Variants in APPL2 observed in about 807,000 individuals in gnomAD.
APPL2 encodes the protein adaptor protein, phosphotyrosine interacting with PH domain and leucine zipper 2.
In APPL2, 84 loss-of-function variants were observed where a neutral mutation model predicts 92.7. The ratio of observed to expected loss-of-function variants is 0.91; its 90% CI spans 0.76 to 1.09. APPL2 has a LOEUF of 1.09. Among genes scored for constraint, APPL2 ranks in the 50% least tolerant of loss-of-function variants. APPL2 has a pLI of 0.00. For synonymous variants in APPL2, 291 were observed against 291.0 expected (o/e 1.00, Z 0.00); for missense variants, 736 against 824.5 (o/e 0.89, Z 1.31).
chr12:105,174,944 T>C (rs1592745937), intron 20 of APPL2, among the ~76,000 whole-genome samples: 1 of 148,294 alleles, frequency 6.7e-6, no homozygotes, highest in East Asian at 2.1e-4. Context: ...AGAGCAGTGG[T>C]ATGATCTCAG....
At chr12:105,221,118 G>A (rs1890065906) in intron 2 of APPL2, among the ~76,000 whole-genome samples, 1 of 152,174 alleles carries the variant, frequency 6.6e-6, no homozygotes. Context: ...GTACACAAAG[G>A]TTGTAAGAAA....
In APPL2 at chr12:105,203,675, A is replaced by G. The variant is rs555751066; in HGVS notation, c.704+28T>C. ...GATCAGCATGAAAGGCAAGGGGCAC[A>G]CAAGACCCGGCCGGAGTGCAGCATT... On this transcript the variant is annotated intron_variant, in intron 9 of 20. Coordinates refer to ENST00000258530, the MANE Select transcript of APPL2 (RefSeq NM_018171.5). 4 of 1,610,158 alleles carry G rather than the reference A, an allele frequency of 2.5e-6. No individual in the cohort carries two copies. In the South Asian group the frequency reaches 3.3e-5, roughly 13 times the overall value.
Position 105,211,276 on chromosome 12 carries a change from G to A in APPL2, c.327C>T (p.Asp109=). ...ATTGTATGATAGGTAGAACCATTGT[G>A]TCTGCCAACTGTTTAGCCAGCTCTG... ...LHTELAKQLA[D]TMVLPIIQFR... is the part of the protein sequence containing the mutation. Residue 109 remains aspartate, a synonymous_variant, in exon 5 of 21, where the codon GAC becomes GAT. Coordinates refer to ENST00000258530, the MANE Select transcript of APPL2 (RefSeq NM_018171.5). 3.1e-6 allele frequency: 5 copies of A among 1,613,990 alleles called. No individual in the cohort carries two copies. Among genetic ancestry groups the A allele is most frequent in the Non-Finnish European group, 4.2e-6 (5 of 1,179,864 alleles).
intron 1 of APPL2, among the ~76,000 whole-genome samples, 166 bp downstream of exon 1, chr12:105,235,793 G>A (rs903834836): frequency 3.9e-5 from 6 of 152,016 alleles, no homozygotes; most frequent in Non-Finnish European, 7.4e-5. Context: ...CTCAGGGCCC[G>A]GCCCGCCCCC....
intron 2 of APPL2, among the ~76,000 whole-genome samples, chr12:105,218,711 C>T (rs1311037254): frequency 3.3e-5 from 5 of 152,196 alleles, no homozygotes; most frequent in South Asian, 2.1e-4. Context: ...ACTGGAAGCA[C>T]AGTGGGGACT....
At chr12:105,200,856 GTATGTATGTATCTATCTATCTATCTATC>G (rs1888117126) in intron 9 of APPL2, among the ~76,000 whole-genome samples, 1 of 111,698 alleles carries the variant, frequency 9.0e-6, no homozygotes, top group Non-Finnish European at 1.9e-5. Context: ...ATGTATGTAT[GTATGTATGTATCTATCTATCTATCTATC>G]TATCTATCTA....
At chr12:105,197,990 A>G in intron 10 of APPL2, 37 bp from the exon 11 acceptor site, 1 of 1,596,250 alleles carries the variant, frequency 6.3e-7, no homozygotes, top group East Asian at 2.2e-5. Context: ...TTAGTACCAG[A>G]AAGCACCAGC....
intron 9 of APPL2, among the ~76,000 whole-genome samples, chr12:105,200,994 C>T (rs1291782862): frequency 2.0e-5 from 3 of 152,116 alleles, no homozygotes; most frequent in East Asian, 1.9e-4. Flanking sequence ...CTACAACCTC[C>T]GCCTCCTGGG....
intron 17 of APPL2, among the ~76,000 whole-genome samples, chr12:105,185,314 TCTC>T (rs1263504360): frequency 6.6e-6 from 1 of 152,048 alleles, no homozygotes; most frequent in Non-Finnish European, 1.5e-5. Context: ...CGAAAAAAAT[TCTC>T]CTGCAGCTAG....
At chr12:105,176,360 C>T in intron 19 of APPL2, 1 of 537,992 alleles carries the variant, frequency 1.9e-6, no homozygotes, top group Non-Finnish European at 3.2e-6. Context: ...TTTCTTCTCT[C>T]TCTTAAATGT....
Position 105,213,973 on chromosome 12 carries a change from G to A in APPL2, c.286-2656C>T, listed in dbSNP as rs79496929. Among the ~76,000 whole-genome samples the A allele has an allele frequency of 2.2e-3, 333 of 152,172 alleles. 8 individuals are homozygous for A. The East Asian group carries it at 0.049, about 22-fold the overall frequency. On this transcript the variant is annotated intron_variant, in intron 4 of 20. Transcript: ENST00000258530. ...AGGCTGAGGCGGGCAGATCACTGAC[G>A]TCAGGAGTTCAAGACCAGCCTGACC... is the stretch of plus-strand genomic sequence containing the variant.
intron 14 of APPL2, among the ~76,000 whole-genome samples, chr12:105,191,904 C>T (rs1007090455): frequency 6.6e-6 from 1 of 152,168 alleles, no homozygotes. Context: ...GCTCTGCTTT[C>T]CCCTCCCTCT....
At chr12:105,235,737 C>T (rs1891185886) in intron 1 of APPL2, among the ~76,000 whole-genome samples, 2 of 152,142 alleles carry the variant, frequency 1.3e-5, no homozygotes, top group East Asian at 3.9e-4. Flanking sequence ...AAGACTCCGG[C>T]CGCGGGGCTC....
chr12:105,199,262 G>T, intron 10 of APPL2, 111 bp downstream of exon 10: 2 of 1,323,750 alleles, frequency 1.5e-6, no homozygotes, highest in Non-Finnish European at 2.1e-6. Context: ...GTTCTTCCCA[G>T]TCTCACCCAC....
At chr12:105,200,793 A>G (rs1176711711) in intron 9 of APPL2, among the ~76,000 whole-genome samples, 2 of 152,082 alleles carry the variant, frequency 1.3e-5, no homozygotes, top group African/African-American at 4.8e-5. Flanking sequence ...GAGGTAAGGA[A>G]CGTTGGGCTT....
Position 105,195,575 on chromosome 12 carries a change from A to G in APPL2, c.1095+10T>C. 2 of 1,614,260 alleles carry G rather than the reference A, an allele frequency of 1.2e-6. No individual in the cohort carries two copies. Among genetic ancestry groups the G allele is most frequent in the African/African-American group, 2.7e-5 (2 of 75,074 alleles). ...CGTTAGGAAAGAAATATGACAAACAAAATTTTTACCTCTTCATTTTCCTTT... is the reference window on the plus strand; with the variant it reads ...CGTTAGGAAAGAAATATGACAAACAGAATTTTTACCTCTTCATTTTCCTTT... On this transcript the variant is annotated intron_variant, in intron 12 of 20. Coordinates refer to ENST00000258530, the MANE Select transcript of APPL2 (RefSeq NM_018171.5).
At chr12:105,227,119 T>C (rs1202488771) in intron 2 of APPL2, among the ~76,000 whole-genome samples, 2 of 111,332 alleles carry the variant, frequency 1.8e-5, no homozygotes, top group Non-Finnish European at 3.6e-5. Flanking sequence ...AGACCCTGTC[T>C]CTGAAAATTA....
intron 2 of APPL2, among the ~76,000 whole-genome samples, chr12:105,220,561 T>A (rs754113271): frequency 2.6e-5 from 4 of 152,156 alleles, no homozygotes; most frequent in Admixed American, 6.6e-5. Flanking sequence ...ATTCTTTTCT[T>A]TATTTTAGTC....
intron 1 of APPL2, among the ~76,000 whole-genome samples, chr12:105,234,843 A>G (rs1395349122): frequency 1.3e-5 from 2 of 152,150 alleles, no homozygotes; most frequent in African/African-American, 4.8e-5. Context: ...CCAAAAAACA[A>G]AACAAACAAA....
Sources: allele counts gnomAD v4.1 joint callset (sites outside exome capture counted in the v4.1 genomes callset), GRCh38; gene constraint gnomAD v4.1.1; transcripts MANE v1.5; gene names NCBI Gene and HGNC (gene_info 2026-07-23, HGNC 2026-07-21).